Variants in CLIC6 observed in about 807,000 individuals in gnomAD.
CLIC6 encodes chloride intracellular channel protein 6.
Under a neutral mutation model 49.2 loss-of-function variants are expected in CLIC6, and 39 were observed. The ratio of observed to expected loss-of-function variants is 0.79; its 90% CI spans 0.61 to 1.04. CLIC6 has a LOEUF of 1.04. Among genes scored for constraint, CLIC6 ranks in the 50% least tolerant of loss-of-function variants. The probability of loss-of-function intolerance (pLI) is 0.00; values close to 1 mark genes in which losing one functional copy is unlikely to be tolerated. For synonymous variants in CLIC6, 446 were observed against 433.4 expected (o/e 1.03, Z -0.36); for missense variants, 988 against 993.1 (o/e 0.99, Z 0.07).
At chr21:34,680,513 T>A (rs1989757725) in intron 1 of CLIC6, among the ~76,000 whole-genome samples, 2 of 152,230 alleles carry the variant, frequency 1.3e-5, no homozygotes, top group South Asian at 4.1e-4. Context: ...AGGCTTGAAT[T>A]TTTCCTCAGA....
chr21:34,681,589 C>T (rs1989781737), intron 1 of CLIC6, among the ~76,000 whole-genome samples: 1 of 152,158 alleles, frequency 6.6e-6, no homozygotes, highest in Non-Finnish European at 1.5e-5. Flanking sequence ...ATGGCTGGCT[C>T]ACATGTCGTT....
chr21:34,693,136 G>C (rs1053125676), intron 1 of CLIC6, among the ~76,000 whole-genome samples: 8 of 152,238 alleles, frequency 5.3e-5, no homozygotes, highest in Non-Finnish European at 1.0e-4. Flanking sequence ...AATTCTGTTT[G>C]AGGTGCCTAG....
At chr21:34,700,379 G>C (rs1163151061) in intron 1 of CLIC6, among the ~76,000 whole-genome samples, 1 of 134,070 alleles carries the variant, frequency 7.5e-6, no homozygotes, top group Non-Finnish European at 1.6e-5. Flanking sequence ...CCCGGGAGGC[G>C]GAGCTTGCAG....
intron 1 of CLIC6, among the ~76,000 whole-genome samples, chr21:34,684,139 A>G (rs1318407318): frequency 1.3e-5 from 2 of 150,574 alleles, no homozygotes; most frequent in African/African-American, 4.9e-5. Context: ...ACCCAAATGT[A>G]TATTTTAAAC....
At chr21:34,671,345 C>T (rs932601245) in intron 1 of CLIC6, among the ~76,000 whole-genome samples, 1 of 151,950 alleles carries the variant, frequency 6.6e-6, no homozygotes. Context: ...CAACAATGTA[C>T]GTTTAGGGGG....
rs1195392148 is a variant in CLIC6 at position 34,669,752 on chromosome 21, C to T, written c.364C>T (p.Arg122Cys). 2 of 1,396,662 alleles carry T rather than the reference C, an allele frequency of 1.4e-6. No individual in the cohort carries two copies. Among genetic ancestry groups the T allele is most frequent in the Non-Finnish European group, 1.8e-6 (2 of 1,086,168 alleles). The allele number at this position is 1,396,662 out of a possible 1,614,324, so 86.5% of individuals were successfully genotyped here. A position where few individuals can be genotyped will look rare whatever the true frequency, so the allele number is the denominator to read the frequency against. ...SPGRGAQGEP[R>C]GEAQREPEDS... ...GGGACGCGGCGCGCAGGGCGAGCCCCGCGGGGAGGCTCAGAGGGAGCCCGA... is the reference window on the plus strand; with the variant it reads ...GGGACGCGGCGCGCAGGGCGAGCCCTGCGGGGAGGCTCAGAGGGAGCCCGA... The change falls in exon 1 of 6, where the codon CGC becomes TGC. Residue 122 changes from arginine (R) to cysteine (C), a missense_variant. Transcript: ENST00000349499.
At position 34,672,558 on chromosome 21, in the gene CLIC6, A is replaced by C. The variant is rs117868433; in HGVS notation, c.1374+1796A>C. 1.4e-4 allele frequency among the ~76,000 whole-genome samples: 22 copies of C among 152,214 alleles called. No homozygotes were observed. In the East Asian group the frequency reaches 3.9e-3, roughly 27 times the overall value. On this transcript the variant is annotated intron_variant, in intron 1 of 5. Coordinates refer to ENST00000349499, the MANE Select transcript of CLIC6 (RefSeq NM_053277.3). ...CATATCTTCCAGTCCCAGTCGGATG[A>C]CCCTGTTAAGGCATTGCCCTCAGCC...
chr21:34,671,288 C>A (rs1432240522), intron 1 of CLIC6, among the ~76,000 whole-genome samples: 1 of 152,088 alleles, frequency 6.6e-6, no homozygotes, highest in Non-Finnish European at 1.5e-5. Flanking sequence ...AGACCCAGAG[C>A]TGGTCAATGT....
chr21:34,714,944 A>G (rs1434038098), intron 5 of CLIC6, among the ~76,000 whole-genome samples: 1 of 152,232 alleles, frequency 6.6e-6, no homozygotes, highest in Admixed American at 6.5e-5. Context: ...ATACAAACAA[A>G]AGTAAAACGG....
At chr21:34,673,309 A>G (rs1989602417) in intron 1 of CLIC6, among the ~76,000 whole-genome samples, 1 of 151,606 alleles carries the variant, frequency 6.6e-6, no homozygotes, top group African/African-American at 2.4e-5. Context: ...TTTTTAATTG[A>G]GACAGGTTCT....
intron 5 of CLIC6, among the ~76,000 whole-genome samples, chr21:34,709,909 A>C (rs8129452): frequency 6.6e-6 from 1 of 152,086 alleles, no homozygotes; most frequent in Admixed American, 6.6e-5. Flanking sequence ...AACGCAGTCT[A>C]CTGTTGGTGA....
At chr21:34,673,167 G>A (rs951691624) in intron 1 of CLIC6, among the ~76,000 whole-genome samples, 5 of 152,148 alleles carry the variant, frequency 3.3e-5, no homozygotes, top group African/African-American at 1.2e-4. Context: ...CACCAGCAGC[G>A]GCCCAGCACG....
At chr21:34,687,983 G>A (rs374140371) in intron 1 of CLIC6, among the ~76,000 whole-genome samples, 2 of 152,160 alleles carry the variant, frequency 1.3e-5, no homozygotes, top group East Asian at 1.9e-4. Context: ...GGAGCTGTCC[G>A]CTCCACTGGG....
rs1443103198 is a variant in CLIC6, at chr21:34,669,014, C to T, written c.-375C>T. Among the ~76,000 whole-genome samples, 8 of 152,168 alleles carry T rather than the reference C, an allele frequency of 5.3e-5. No homozygotes were observed. The highest frequency in any genetic ancestry group is 3.9e-4 in the Admixed American group (6 of 15,288). ...TGGTCAACCCCAGGACAGCGGACAG[C>T]GGGCCGGGCACTTCCAAAGGCGCAG... On this transcript the variant is annotated 5_prime_UTR_variant, in exon 1 of 6. Transcript: ENST00000349499.
At chr21:34,701,069 G>A (rs951749013) in intron 1 of CLIC6, among the ~76,000 whole-genome samples, 1 of 139,424 alleles carries the variant, frequency 7.2e-6, no homozygotes, top group Admixed American at 6.9e-5. Context: ...CAGTGAGGCC[G>A]AGGCGGGTGG....
intron 1 of CLIC6, among the ~76,000 whole-genome samples, chr21:34,703,048 G>GACC (rs10636059): frequency 2.6e-5 from 4 of 151,452 alleles, no homozygotes; most frequent in Non-Finnish European, 4.4e-5. Flanking sequence ...TCCTGCGATG[G>GACC]CAAATCAGCT....
At chr21:34,685,713 G>C (rs1403838341) in intron 1 of CLIC6, among the ~76,000 whole-genome samples, 2 of 151,586 alleles carry the variant, frequency 1.3e-5, no homozygotes, top group Admixed American at 1.3e-4. Context: ...CAGACATGGA[G>C]GGGGACATTT....
In CLIC6 at chr21:34,705,028, A is replaced by G. The variant is rs2056005016; in HGVS notation, c.1375-2252A>G. The stretch of plus-strand genomic sequence containing the variant: ...TTTGCCACATACACAGTGAGTTATA[A>G]GAGGGTTCCAAAAGTTAGAGAGACG... On this transcript the variant is annotated intron_variant, in intron 1 of 5. Coordinates refer to ENST00000349499, the MANE Select transcript of CLIC6 (RefSeq NM_053277.3). Among the ~76,000 whole-genome samples, 4 of 152,330 alleles carry G rather than the reference A, an allele frequency of 2.6e-5. No homozygotes were observed. In the South Asian group the frequency reaches 6.2e-4, roughly 24 times the overall value.
intron 5 of CLIC6, among the ~76,000 whole-genome samples, chr21:34,710,530 C>T (rs1018955907): frequency 3.9e-5 from 6 of 152,040 alleles, no homozygotes; most frequent in South Asian, 2.1e-4. Context: ...TGTGAGTCCC[C>T]GGGCCAGGCA....
Sources: allele counts gnomAD v4.1 joint callset (sites outside exome capture counted in the v4.1 genomes callset), GRCh38; gene constraint gnomAD v4.1.1; transcripts MANE v1.5; gene names NCBI Gene and HGNC (gene_info 2026-07-23, HGNC 2026-07-21).